CCDC171: variants seen among roughly 807,000 people sequenced by gnomAD.
CCDC171 encodes the protein coiled-coil domain containing 171, also known as coiled-coil domain-containing protein 171.
A neutral mutation model predicts 168.2 loss-of-function variants in CCDC171; 177 were observed. The observed-to-expected ratio is 1.05, with a 90% confidence interval of 0.93 to 1.19. The LOEUF (loss-of-function observed/expected upper bound fraction) is 1.19, where lower values mean the gene tolerates loss of function less well. Among genes scored for constraint, CCDC171 ranks in the 50% most tolerant of loss-of-function variants. CCDC171 has a pLI of 0.00. For synonymous variants in CCDC171, 687 were observed against 540.8 expected (o/e 1.27, Z -3.75); for missense variants, 1,991 against 1,539.0 (o/e 1.29, Z -4.91).
chr9:15,695,404 T>A, intron 11 of CCDC171, 67 bp downstream of exon 11: 1 of 1,164,742 alleles, frequency 8.6e-7, no homozygotes, highest in Middle Eastern at 1.9e-4. Flanking sequence ...TTTTGGGAAT[T>A]CTGCAGATGC....
chr9:16,062,079 G>A, downstream of CCDC171, among the ~76,000 whole-genome samples: 1 of 152,110 alleles, frequency 6.6e-6, no homozygotes, highest in East Asian at 1.9e-4. Context: ...GCCAATCAGA[G>A]CCAACCCCAA....
intron 21 of CCDC171, among the ~76,000 whole-genome samples, chr9:15,789,941 T>A (rs2058167050): frequency 6.6e-6 from 1 of 152,166 alleles, no homozygotes; most frequent in Non-Finnish European, 1.5e-5. Context: ...TCATCCTTTT[T>A]TATGGCTGCA....
chr9:15,666,936 C>T (rs1384834462), intron 9 of CCDC171, among the ~76,000 whole-genome samples: 2 of 152,160 alleles, frequency 1.3e-5, no homozygotes, highest in South Asian at 2.1e-4. Flanking sequence ...CACTTCATAC[C>T]TAGCATTGCA....
chr9:15,974,256 G>T (rs1331421086), downstream of CCDC171, among the ~76,000 whole-genome samples: 1 of 151,978 alleles, frequency 6.6e-6, no homozygotes, highest in Non-Finnish European at 1.5e-5. Context: ...TTTCCCAGAA[G>T]TCAGACCCAG....
exon 5 of CCDC171, chr9:16,022,347 C>G (rs962708681): frequency 2.0e-5 from 3 of 152,206 alleles, no homozygotes; most frequent in Non-Finnish European, 2.9e-5. Context: ...TATTATCATG[C>G]TAATGTCTGC....
intron 25 of CCDC171, among the ~76,000 whole-genome samples, chr9:15,955,148 G>A (rs868563971): frequency 1.3e-5 from 2 of 152,122 alleles, no homozygotes; most frequent in Admixed American, 6.6e-5. Context: ...AGCCTGAGAT[G>A]TAAACTTACG....
intron 3 of CCDC171, among the ~76,000 whole-genome samples, chr9:16,013,817 T>C (rs899986140): frequency 6.6e-6 from 1 of 152,252 alleles, no homozygotes; most frequent in African/African-American, 2.4e-5. Context: ...ACATTATGTC[T>C]TTAAAAATGC....
downstream of CCDC171, among the ~76,000 whole-genome samples, chr9:15,977,228 C>T (rs2132856008): frequency 6.6e-6 from 1 of 152,246 alleles, no homozygotes. Context: ...TTTTCTGAAC[C>T]TCCCCCTGCA....
intron 7 of CCDC171, among the ~76,000 whole-genome samples, chr9:15,624,154 A>G (rs2132099554): frequency 6.6e-6 from 1 of 152,284 alleles, no homozygotes; most frequent in South Asian, 2.1e-4. Context: ...AACAGCAATA[A>G]GGATTATAAC....
chr9:15,799,727 T>A (rs58010776), intron 21 of CCDC171, among the ~76,000 whole-genome samples: 4,111 of 151,150 alleles, frequency 0.027, 188 homozygotes, highest in African/African-American at 0.095. Flanking sequence ...TTTCTCTCTG[T>A]TTTTTTTGCA....
At chr9:15,933,601 C>G (rs1826773924) in intron 25 of CCDC171, among the ~76,000 whole-genome samples, 1 of 151,776 alleles carries the variant, frequency 6.6e-6, no homozygotes, top group Admixed American at 6.6e-5. Context: ...TATTAGAAAT[C>G]TTTCTTCTTT....
chr9:15,767,421 C>T (rs2056781495), intron 18 of CCDC171, among the ~76,000 whole-genome samples: 1 of 152,150 alleles, frequency 6.6e-6, no homozygotes, highest in African/African-American at 2.4e-5. Context: ...CTTTAAAGGA[C>T]TCTTGTCATT....
intron 3 of CCDC171, among the ~76,000 whole-genome samples, chr9:15,987,918 G>C (rs1250037025): frequency 2.6e-5 from 4 of 152,186 alleles, no homozygotes; most frequent in Non-Finnish European, 5.9e-5. Flanking sequence ...GCATGAAACA[G>C]TTTGTGTACA....
chr9:15,913,703 T>C (rs931195384), intron 24 of CCDC171, among the ~76,000 whole-genome samples: 17 of 152,190 alleles, frequency 1.1e-4, no homozygotes, highest in African/African-American at 4.1e-4. Context: ...GGAGTTGTGA[T>C]CATTTGGAGA....
intron 25 of CCDC171, among the ~76,000 whole-genome samples, chr9:15,950,029 T>G (rs889246840): frequency 6.6e-6 from 1 of 152,078 alleles, no homozygotes; most frequent in African/African-American, 2.4e-5. Flanking sequence ...GTATCAGCGA[T>G]GGAAGATGAA....
intron 4 of CCDC171, among the ~76,000 whole-genome samples, chr9:15,588,864 C>T (rs535426246): frequency 2.0e-5 from 3 of 151,980 alleles, no homozygotes; most frequent in African/African-American, 4.8e-5. Context: ...CCCGCCACCA[C>T]GCCCGGCTAA....
chr9:15,744,998 A>G (rs1206904020), intron 17 of CCDC171, among the ~76,000 whole-genome samples: 1 of 152,192 alleles, frequency 6.6e-6, no homozygotes, highest in East Asian at 1.9e-4. Context: ...ATTAGGTGGC[A>G]AATATATATA....
chr9:15,844,481 A>G (rs1435495252), intron 21 of CCDC171, among the ~76,000 whole-genome samples: 1 of 152,184 alleles, frequency 6.6e-6, no homozygotes, highest in East Asian at 1.9e-4. Context: ...ATCCCCATCA[A>G]TCTTAGGACC....
intron 21 of CCDC171, among the ~76,000 whole-genome samples, chr9:15,839,552 C>A (rs139262641): frequency 6.6e-6 from 1 of 152,106 alleles, no homozygotes; most frequent in African/African-American, 2.4e-5. Flanking sequence ...ATATACCTCA[C>A]TGGATTATAA....
Sources: gnomAD v4.1 joint callset for allele counts (sites outside exome capture counted in the v4.1 genomes callset) on GRCh38, gnomAD v4.1.1 for gene constraint, MANE v1.5 for transcripts, NCBI Gene and HGNC (gene_info 2026-07-23, HGNC 2026-07-21) for gene names.